The following DPP3 variants were observed in gnomAD, a reference collection of about 807,000 sequenced individuals.
DPP3 encodes the protein DPP III.
A neutral mutation model predicts 89.8 loss-of-function variants in DPP3; 64 were observed. The observed-to-expected ratio is 0.71, with a 90% confidence interval of 0.58 to 0.88. DPP3 has a LOEUF of 0.88. Ranked by LOEUF, DPP3 falls within the 40% of genes least tolerant of loss-of-function variation. The pLI, the probability that DPP3 is intolerant of heterozygous loss-of-function variation, is 0.00. For missense variants in DPP3, 835 were observed against 972.5 expected (o/e 0.86, Z 1.88); for synonymous variants, 377 against 404.3 (o/e 0.93, Z 0.81).
chr11:66,485,345 T>C, intron 3 of DPP3, 83 bp downstream of exon 3: 1 of 1,367,282 alleles, frequency 7.3e-7, no homozygotes, highest in Non-Finnish European at 1.0e-6. Flanking sequence ...GAGCCCCAAC[T>C]GGAGTGTCAG....
At position 66,487,343 on chromosome 11, in the gene DPP3, G is replaced by T; in HGVS notation, c.573+1G>T. 1 of 1,614,008 alleles carries T rather than the reference G, an allele frequency of 6.2e-7. No homozygotes were observed. Among genetic ancestry groups the T allele is most frequent in the Non-Finnish European group, 8.5e-7 (1 of 1,179,918 alleles). ...GGCCCAGGACTTTCTGGACTCACAG[G>T]TTTGGGGTTAGGGGAGCTCAAGGTA... is the stretch of plus-strand genomic sequence containing the variant. On this transcript the variant is annotated splice_donor_variant, in intron 5 of 17. Transcript: ENST00000531863. LOFTEE classifies it high-confidence loss of function.
Position 66,509,215 on chromosome 11 carries a change from G to T in DPP3, c.2178G>T (p.Trp726Cys). Residue 726 changes from tryptophan (W) to cysteine (C), a missense_variant, in exon 18 of 18, where the codon TGG becomes TGT. Trp to Cys is a radical substitution (Grantham distance 215). Coordinates refer to ENST00000531863, the MANE Select transcript of DPP3 (RefSeq NM_130443.4). ...TGGCCACAGCCGATGCCCGATTCTG[G>T]AAGGGCCCCAGTGAGGCCCCATCTG... ...TQLATADARFWKGPSEAPSGQ... is the reference protein window; with the variant it reads ...TQLATADARFCKGPSEAPSGQ... 6.2e-7 allele frequency: 1 copy of T among 1,613,734 alleles called. No homozygotes were observed. Among genetic ancestry groups the T allele is most frequent in the Non-Finnish European group, 8.5e-7 (1 of 1,179,870 alleles).
intron 16 of DPP3, among the ~76,000 whole-genome samples, chr11:66,501,530 C>T (rs1003656327): frequency 6.6e-6 from 1 of 151,846 alleles, no homozygotes; most frequent in African/African-American, 2.4e-5. Context: ...ACAATATATA[C>T]AGTTCAAAAA....
Position 66,509,264 on chromosome 11 carries a change from G to A in DPP3, c.*13G>A, listed in dbSNP as rs1388484852. ...TGGCCAAGCTTGAGGAAGATGTGTG[G>A]CCTTGCCCCCAATTCCATCAGACCA... On this transcript the variant is annotated 3_prime_UTR_variant, in exon 18 of 18. Transcript: ENST00000531863. 6.3e-7 allele frequency: 1 copy of A among 1,598,402 alleles called. No homozygotes were observed. The highest frequency in any genetic ancestry group is 1.8e-5 in the Admixed American group (1 of 56,406).
At chr11:66,483,072 C>G (rs957485973) in intron 2 of DPP3, 36 of 148,464 alleles carry the variant, frequency 2.4e-4, no homozygotes, top group Admixed American at 2.4e-3. Flanking sequence ...GTCACCCAGG[C>G]TGGAGTGCAG....
At position 66,504,699 on chromosome 11, in the gene DPP3, C is replaced by G; in HGVS notation, c.1966C>G (p.Leu656Val). ...CACTGATGCGCCCCCCGAGTGCTTCCTCACCCTCAGGGACACGGTGCTGCT... is the reference window on the plus strand; with the variant it reads ...CACTGATGCGCCCCCCGAGTGCTTCGTCACCCTCAGGGACACGGTGCTGCT... The part of the protein sequence containing the change: ...TVTDAPPECF[L>V]TLRDTVLLRK... The change falls in exon 17 of 18, where the codon CTC (leucine) becomes GTC (valine). Residue 656 changes from leucine (L) to valine (V), a missense_variant. Transcript: ENST00000531863. 6.2e-7 allele frequency: 1 copy of G among 1,613,384 alleles called. No homozygotes were observed. Among genetic ancestry groups the G allele is most frequent in the African/African-American group, 1.3e-5 (1 of 74,984 alleles).
intron 16 of DPP3, among the ~76,000 whole-genome samples, chr11:66,498,197 C>T (rs1172528750): frequency 3.3e-5 from 5 of 152,048 alleles, no homozygotes; most frequent in Non-Finnish European, 1.5e-5. Flanking sequence ...GGGTTCACAC[C>T]ATTCTCCTGC....
intron 16 of DPP3, among the ~76,000 whole-genome samples, chr11:66,501,283 C>T (rs1163995030): frequency 6.6e-6 from 1 of 151,768 alleles, no homozygotes; most frequent in Non-Finnish European, 1.5e-5. Flanking sequence ...TCACTTGAAC[C>T]CGGGAGGTGG....
chr11:66,492,581 C>T (rs565978569), intron 9 of DPP3, 135 bp from the exon 10 acceptor site: 2 of 1,056,410 alleles, frequency 1.9e-6, no homozygotes, highest in South Asian at 1.6e-5. Flanking sequence ...AGGCCTGGGT[C>T]ACTGCTATCC....
rs756734731 is a variant in DPP3, at chr11:66,495,763, T to G, written c.1698+13T>G. The G allele has an allele frequency of 1.3e-6, 2 of 1,591,164 alleles. No homozygotes were observed. The highest frequency in any genetic ancestry group is 1.7e-6 in the Non-Finnish European group (2 of 1,169,452). On this transcript the variant is annotated intron_variant, in intron 15 of 17. Coordinates refer to ENST00000531863, the MANE Select transcript of DPP3 (RefSeq NM_130443.4). ...CAACTGGCGACAGGTAGGGCCTAGGTGGAGCCCCCTGGAGGCGGAAGGGAG... is the reference window on the plus strand; with the variant it reads ...CAACTGGCGACAGGTAGGGCCTAGGGGGAGCCCCCTGGAGGCGGAAGGGAG...
chr11:66,509,544 C>A lies in DPP3; in HGVS notation c.*293C>A. On this transcript the variant is annotated 3_prime_UTR_variant, in exon 18 of 18. Transcript: ENST00000531863. Reference sequence around the variant, plus strand: ...ATGGCAGTTCTGAGAAGTCACTGGTCTAGATCCCGCAGGTGGCACGTGACA... The same window carrying A: ...ATGGCAGTTCTGAGAAGTCACTGGTATAGATCCCGCAGGTGGCACGTGACA... 1.1e-6 allele frequency: 1 copy of A among 905,554 alleles called. No individual in the cohort carries two copies. The highest frequency in any genetic ancestry group is 1.7e-6 in the Non-Finnish European group (1 of 572,404). The allele number at this position is 905,554 out of a possible 1,614,324, so 56.1% of individuals were successfully genotyped here. A position where few individuals can be genotyped will look rare whatever the true frequency, so the allele number is the denominator to read the frequency against.
chr11:66,504,311 A>T (rs1038809848), intron 16 of DPP3, among the ~76,000 whole-genome samples: 1 of 151,792 alleles, frequency 6.6e-6, no homozygotes, highest in Non-Finnish European at 1.5e-5. Flanking sequence ...CTGGTCTCAA[A>T]CTCCTGGGCT....
intron 3 of DPP3, among the ~76,000 whole-genome samples, chr11:66,485,735 G>A (rs1358961302): frequency 6.6e-6 from 1 of 152,086 alleles, no homozygotes; most frequent in African/African-American, 2.4e-5. Context: ...CAGGTCTGTG[G>A]TGGACCCAAG....
At position 66,493,109 on chromosome 11, in the gene DPP3, T is replaced by C. The variant is rs1855439301; in HGVS notation, c.1226T>C (p.Leu409Pro). The C allele has an allele frequency of 6.2e-7, 1 of 1,614,020 alleles. No homozygotes were observed. Among genetic ancestry groups the C allele is most frequent in the African/African-American group, 1.3e-5 (1 of 74,942 alleles). The part of the protein sequence containing the change: ...RQTEGFKNVS[L>P]GNVLAVAYAT... ...ACGGAAGGCTTTAAGAACGTGTCGC[T>C]GGGGAATGTGCTGGCTGTGGCCTAC... is the stretch of plus-strand genomic sequence containing the variant. Residue 409 changes from leucine (L) to proline (P), a missense_variant, in exon 11 of 18, where the codon CTG becomes CCG. Physicochemically the swap from Leu to Pro is moderately conservative, Grantham distance 98. Transcript: ENST00000531863.
At chr11:66,502,269 T>C (rs139577856) in intron 16 of DPP3, among the ~76,000 whole-genome samples, 275 of 151,196 alleles carry the variant, frequency 1.8e-3, no homozygotes, top group African/African-American at 6.3e-3. Context: ...CAGAAGCAGC[T>C]GAACTAACTC....
At chr11:66,507,554 C>T (rs1330935578) in intron 17 of DPP3, among the ~76,000 whole-genome samples, 1 of 151,878 alleles carries the variant, frequency 6.6e-6, no homozygotes, top group Non-Finnish European at 1.5e-5. Context: ...GAACTCTGAA[C>T]ACTTAGAGGA....
At chr11:66,482,048 A>T in intron 1 of DPP3, 145 bp from the exon 2 acceptor site, 1 of 1,205,144 alleles carries the variant, frequency 8.3e-7, no homozygotes. Context: ...TCTAAGCCTC[A>T]GTTAGCATAT....
At chr11:66,490,694 C>T (rs1855355025) in intron 6 of DPP3, among the ~76,000 whole-genome samples, 1 of 152,120 alleles carries the variant, frequency 6.6e-6, no homozygotes, top group South Asian at 2.1e-4. Flanking sequence ...AAGGAGTTAA[C>T]ACACGGAAAG....
chr11:66,508,842 G>A (rs1023004697), intron 17 of DPP3, among the ~76,000 whole-genome samples: 1 of 152,102 alleles, frequency 6.6e-6, no homozygotes, highest in African/African-American at 2.4e-5. Flanking sequence ...TTATTTGATT[G>A]ACTGAATGAA....
Sources: gnomAD v4.1 joint callset for allele counts (sites outside exome capture counted in the v4.1 genomes callset) on GRCh38, gnomAD v4.1.1 for gene constraint, MANE v1.5 for transcripts, NCBI Gene and HGNC (gene_info 2026-07-23, HGNC 2026-07-21) for gene names.